The following CFAP70 variants were observed in gnomAD, a reference collection of about 807,000 sequenced individuals.
The protein encoded by CFAP70 is cilia and flagella associated protein 70.
In CFAP70, 81 loss-of-function variants were observed where a neutral mutation model predicts 137.6. That is an observed-to-expected ratio of 0.59 (90% CI 0.49 to 0.71). CFAP70 has a LOEUF of 0.71. Among genes scored for constraint, CFAP70 ranks in the 30% least tolerant of loss-of-function variants. The pLI is 0.00. For missense variants in CFAP70, 976 were observed against 1,226.7 expected (o/e 0.80, Z 3.05); for synonymous variants, 382 against 423.6 (o/e 0.90, Z 1.20).
chr10:73,282,652 C>A (rs181076495), intron 19 of CFAP70, among the ~76,000 whole-genome samples: 6 of 151,960 alleles, frequency 3.9e-5, no homozygotes, highest in African/African-American at 1.4e-4. Flanking sequence ...CTGCCTCCCT[C>A]GGCCTCCCAA....
At chr10:73,291,378 T>A (rs749703466) in exon 19 of CFAP70, 1 of 1,614,240 alleles carries the variant, frequency 6.2e-7, no homozygotes, top group South Asian at 1.1e-5. Flanking sequence ...TGCCTGAAGC[T>A]GTTTGGAGGC....
intron 7 of CFAP70, among the ~76,000 whole-genome samples, chr10:73,333,175 A>G (rs573500749): frequency 6.6e-6 from 1 of 152,290 alleles, no homozygotes; most frequent in South Asian, 2.1e-4. Context: ...TGAGGAAAAT[A>G]AAATCAGTGA....
intron 9 of CFAP70, among the ~76,000 whole-genome samples, chr10:73,312,881 G>T (rs150271894): frequency 6.6e-6 from 1 of 152,122 alleles, no homozygotes; most frequent in Non-Finnish European, 1.5e-5. Flanking sequence ...CTTACAACCT[G>T]GCTTGATTCT....
intron 12 of CFAP70, among the ~76,000 whole-genome samples, chr10:73,309,253 T>C (rs1262448306): frequency 6.6e-6 from 1 of 152,222 alleles, no homozygotes; most frequent in Non-Finnish European, 1.5e-5. Context: ...ACAAGTTGAA[T>C]AACCCAGATG....
chr10:73,344,058 G>A (rs979007957), intron 5 of CFAP70, among the ~76,000 whole-genome samples: 2 of 151,968 alleles, frequency 1.3e-5, no homozygotes, highest in Admixed American at 6.6e-5. Flanking sequence ...TGCCTCCCAG[G>A]TTTAAGTGGT....
chr10:73,329,542 G>T (rs2051852749), intron 8 of CFAP70, among the ~76,000 whole-genome samples: 1 of 151,988 alleles, frequency 6.6e-6, no homozygotes. Context: ...AGTGTTAATA[G>T]TAAAGGCAGT....
chr10:73,295,432 G>A (rs1360686085), intron 15 of CFAP70: 1 of 152,002 alleles, frequency 6.6e-6, no homozygotes, highest in African/African-American at 2.4e-5. Context: ...ATAACTTCTA[G>A]CTACTACTTT....
At chr10:73,270,116 T>G (rs906401393) in intron 24 of CFAP70, among the ~76,000 whole-genome samples, 1 of 152,208 alleles carries the variant, frequency 6.6e-6, no homozygotes, top group African/African-American at 2.4e-5. Context: ...TTTATAGTTT[T>G]TTTTCTTTAC....
At chr10:73,355,914 CA>C (rs1360516763) in intron 1 of CFAP70, among the ~76,000 whole-genome samples, 1 of 152,166 alleles carries the variant, frequency 6.6e-6, no homozygotes, top group African/African-American at 2.4e-5. Context: ...TCCCTGGTGC[CA>C]AAAAGGTTGG....
intron 26 of CFAP70, among the ~76,000 whole-genome samples, chr10:73,255,577 G>C (rs1176473878): frequency 6.6e-6 from 1 of 152,130 alleles, no homozygotes; most frequent in Admixed American, 6.5e-5. Flanking sequence ...ATATGTAACT[G>C]ATAGAACAGA....
intron 4 of CFAP70, chr10:73,347,183 G>T (rs1366796476): frequency 6.6e-6 from 1 of 152,124 alleles, no homozygotes; most frequent in Non-Finnish European, 1.5e-5. Context: ...GAGGTTGAAG[G>T]GGGAGGCCTC....
chr10:73,323,334 G>GGGGGGGT (rs2051059879), intron 8 of CFAP70, among the ~76,000 whole-genome samples: 1 of 132,096 alleles, frequency 7.6e-6, no homozygotes, highest in African/African-American at 2.8e-5. Flanking sequence ...GCGGGGGCGG[G>GGGGGGGT]GGGGGGGCAG....
At chr10:73,305,315 A>T (rs911505348) in intron 12 of CFAP70, among the ~76,000 whole-genome samples, 1 of 152,258 alleles carries the variant, frequency 6.6e-6, no homozygotes, top group South Asian at 2.1e-4. Flanking sequence ...GACATATAAT[A>T]GACCACCTAA....
chr10:73,254,705 C>G (rs7342113), intron 26 of CFAP70, among the ~76,000 whole-genome samples: 16,043 of 152,124 alleles, frequency 0.11, 1,215 homozygotes, highest in East Asian at 0.3. Flanking sequence ...TTAAAGGGAA[C>G]TGAAGTAGCA....
intron 25 of CFAP70, among the ~76,000 whole-genome samples, chr10:73,257,724 ACTTT>A (rs2044661987): frequency 6.6e-6 from 1 of 152,128 alleles, no homozygotes; most frequent in South Asian, 2.1e-4. Flanking sequence ...TACCACTATT[ACTTT>A]GTTTCCCTCC....
intron 8 of CFAP70, among the ~76,000 whole-genome samples, chr10:73,330,371 A>G (rs2051949672): frequency 6.7e-6 from 1 of 150,184 alleles, no homozygotes; most frequent in Non-Finnish European, 1.5e-5. Flanking sequence ...AATCGTTTGA[A>G]CCCAGGAGGC....
rs552866389 is a variant in CFAP70 at position 73,314,560 on chromosome 10, C to A, written c.913-1917G>T. On this transcript the variant is annotated intron_variant, in intron 9 of 26. Transcript: ENST00000310715. ...ACTTAGCATGTTTTTGAGGTTCGTCCATGCTATAGCATGTGTCAGTTGGTT... is the reference window on the plus strand; with the variant it reads ...ACTTAGCATGTTTTTGAGGTTCGTCAATGCTATAGCATGTGTCAGTTGGTT... 4.3e-4 allele frequency among the ~76,000 whole-genome samples: 66 copies of A among 152,212 alleles called. 1 individual carries two copies. In the South Asian group the frequency reaches 0.013, roughly 31 times the overall value.
chr10:73,312,402 C>A, intron 10 of CFAP70, 71 bp downstream of exon 11: 1 of 1,136,566 alleles, frequency 8.8e-7, no homozygotes, highest in Non-Finnish European at 1.2e-6. Flanking sequence ...TACCAGTCAC[C>A]AAGTGAGAAA....
intron 8 of CFAP70, among the ~76,000 whole-genome samples, chr10:73,329,283 T>G (rs1307414826): frequency 6.6e-5 from 10 of 151,770 alleles, no homozygotes; most frequent in Non-Finnish European, 1.5e-4. Flanking sequence ...AGGTGGGAAC[T>G]GAACAATGAG....
Sources: allele counts gnomAD v4.1 joint callset (sites outside exome capture counted in the v4.1 genomes callset), GRCh38; gene constraint gnomAD v4.1.1; transcripts MANE v1.5; gene names NCBI Gene and HGNC (gene_info 2026-07-23, HGNC 2026-07-21).